The following DCDC1 variants were observed in gnomAD, a reference collection of about 807,000 sequenced individuals.
The protein encoded by DCDC1 is doublecortin domain containing 1, also known as doublecortin domain-containing protein 1.
Under a neutral mutation model 178.3 loss-of-function variants are expected in DCDC1, and 200 were observed. That is an observed-to-expected ratio of 1.12 (90% CI 1.00 to 1.26). The LOEUF (loss-of-function observed/expected upper bound fraction) is 1.26, where lower values mean the gene tolerates loss of function less well. Among genes scored for constraint, DCDC1 ranks in the 50% most tolerant of loss-of-function variants. DCDC1 has a pLI of 0.00. For synonymous variants in DCDC1, 690 were observed against 604.8 expected (o/e 1.14, Z -2.07); for missense variants, 1,983 against 1,749.2 (o/e 1.13, Z -2.38).
intron 8 of DCDC1, among the ~76,000 whole-genome samples, chr11:31,259,349 A>C (rs1944629784): frequency 6.6e-6 from 1 of 152,086 alleles, no homozygotes; most frequent in South Asian, 2.1e-4. Flanking sequence ...GCGAGACTCC[A>C]CCTCAAAAAA....
intron 7 of DCDC1, among the ~76,000 whole-genome samples, chr11:31,269,430 T>G (rs1308304894): frequency 6.6e-6 from 1 of 151,980 alleles, no homozygotes; most frequent in African/African-American, 2.4e-5. Context: ...TCACCCAGGC[T>G]GGAGTGCAGT....
intron 20 of DCDC1, among the ~76,000 whole-genome samples, chr11:31,017,668 C>T (rs1040246094): frequency 6.6e-6 from 1 of 151,970 alleles, no homozygotes; most frequent in Non-Finnish European, 1.5e-5. Flanking sequence ...CAGCCTTGGC[C>T]CCCTGGGCTC....
chr11:30,944,604 C>A (rs1354610428), intron 21 of DCDC1, among the ~76,000 whole-genome samples: 1 of 152,136 alleles, frequency 6.6e-6, no homozygotes, highest in Non-Finnish European at 1.5e-5. Context: ...ATGGTTCCTT[C>A]AAATAAGGTG....
At chr11:30,924,114 A>G (rs547046259) in intron 23 of DCDC1, among the ~76,000 whole-genome samples, 1 of 152,170 alleles carries the variant, frequency 6.6e-6, no homozygotes, top group South Asian at 2.1e-4. Context: ...GGCCTCATCT[A>G]TACTTACCAT....
At chr11:30,998,764 C>T (rs1400943093) in intron 20 of DCDC1, among the ~76,000 whole-genome samples, 1 of 152,000 alleles carries the variant, frequency 6.6e-6, no homozygotes, top group Non-Finnish European at 1.5e-5. Context: ...TTTAATGGTC[C>T]TCCCTCTAGG....
At chr11:31,159,795 C>A (rs1452457754) in intron 9 of DCDC1, among the ~76,000 whole-genome samples, 3 of 152,118 alleles carry the variant, frequency 2.0e-5, no homozygotes, top group Non-Finnish European at 4.4e-5. Context: ...GAAAAAAAAT[C>A]AATGGCTTAG....
At chr11:30,922,756 G>A (rs1355794127) in intron 23 of DCDC1, 118 bp from the exon 24 acceptor site, 6 of 1,015,400 alleles carry the variant, frequency 5.9e-6, no homozygotes, top group Non-Finnish European at 7.9e-6. Flanking sequence ...ATAGGTGAAT[G>A]ATTAAAGAAA....
chr11:31,226,375 A>C (rs1974952180), intron 9 of DCDC1, among the ~76,000 whole-genome samples: 1 of 152,074 alleles, frequency 6.6e-6, no homozygotes, highest in African/African-American at 2.4e-5. Flanking sequence ...AAAGTATTTT[A>C]AGACATAAAG....
chr11:31,153,088 T>C (rs149247051), intron 9 of DCDC1, among the ~76,000 whole-genome samples: 251 of 152,308 alleles, frequency 1.6e-3, no homozygotes, highest in African/African-American at 5.4e-3. Flanking sequence ...TACCTATGTT[T>C]TGGATTTAGC....
intron 10 of DCDC1, among the ~76,000 whole-genome samples, chr11:31,134,510 C>T (rs1962880257): frequency 6.6e-6 from 1 of 152,238 alleles, no homozygotes; most frequent in Non-Finnish European, 1.5e-5. Context: ...TTTCCTCCCT[C>T]ATTTGGGTCA....
rs557206461 is a variant in DCDC1, at chr11:30,970,259, G to C, written c.2592-17691C>G. Reference sequence around the variant, plus strand: ...CCACACAACAGCATTGCTTCAGAGAGAGAGAGCTCATGCTGGTTCCCCAAG... The same window carrying C: ...CCACACAACAGCATTGCTTCAGAGACAGAGAGCTCATGCTGGTTCCCCAAG... On this transcript the variant is annotated intron_variant, in intron 20 of 38. Coordinates refer to ENST00000684477, the MANE Select transcript of DCDC1 (RefSeq NM_001387274.1). Among the ~76,000 whole-genome samples, 7 of 152,290 alleles carry C rather than the reference G, an allele frequency of 4.6e-5. No homozygotes were observed. The South Asian group carries it at 6.2e-4, about 14-fold the overall frequency.
chr11:30,894,407 A>G (rs766664154), intron 34 of DCDC1, 23 bp from the exon 35 acceptor site: 3 of 1,603,676 alleles, frequency 1.9e-6, no homozygotes, highest in Non-Finnish European at 1.7e-6. Flanking sequence ...GTCTCTAGAA[A>G]TTTTGTTTCT....
chr11:31,184,199 A>G (rs890439481), intron 9 of DCDC1, among the ~76,000 whole-genome samples: 1 of 152,206 alleles, frequency 6.6e-6, no homozygotes, highest in Admixed American at 6.5e-5. Context: ...AGGATTCCCT[A>G]TTTAATAAAT....
At position 31,170,634 on chromosome 11, in the gene DCDC1, A is replaced by G. The variant is rs1967088762; in HGVS notation, c.1222-32850T>C. 2.6e-5 allele frequency among the ~76,000 whole-genome samples: 4 copies of G among 152,158 alleles called. No individual in the cohort carries two copies. The South Asian group carries it at 8.3e-4, about 32-fold the overall frequency. Reference sequence around the variant, plus strand: ...CAAAAACAGATTTACCTTTCACACTATGTAATCTGATGTTTCATCTAGCTA... The same window carrying G: ...CAAAAACAGATTTACCTTTCACACTGTGTAATCTGATGTTTCATCTAGCTA... On this transcript the variant is annotated intron_variant, in intron 9 of 38. Transcript: ENST00000684477.
At chr11:31,332,633 T>C (rs1182369998) in intron 2 of DCDC1, among the ~76,000 whole-genome samples, 1 of 152,234 alleles carries the variant, frequency 6.6e-6, no homozygotes, top group Admixed American at 6.5e-5. Flanking sequence ...CATTTCATTA[T>C]TTACCCAGTA....
intron 18 of DCDC1, among the ~76,000 whole-genome samples, chr11:31,068,440 A>G (rs956493008): frequency 6.6e-6 from 1 of 152,208 alleles, no homozygotes; most frequent in Non-Finnish European, 1.5e-5. Context: ...ATATTTGCCT[A>G]AATGTGCATC....
At chr11:30,914,929 T>C (rs1253196995) in intron 27 of DCDC1, among the ~76,000 whole-genome samples, 1 of 152,234 alleles carries the variant, frequency 6.6e-6, no homozygotes, top group East Asian at 1.9e-4. Context: ...AGCTGTTTTA[T>C]ATTTCTCCTG....
At chr11:31,290,461 A>G (rs1947142662) in intron 7 of DCDC1, among the ~76,000 whole-genome samples, 186 bp downstream of exon 7, 1 of 152,026 alleles carries the variant, frequency 6.6e-6, no homozygotes, top group African/African-American at 2.4e-5. Flanking sequence ...TTGCTAAGGT[A>G]ATTTATGGTA....
At chr11:31,078,251 T>A (rs902403963) in intron 17 of DCDC1, among the ~76,000 whole-genome samples, 4 of 151,902 alleles carry the variant, frequency 2.6e-5, no homozygotes, top group African/African-American at 9.7e-5. Flanking sequence ...AGATCCTCTA[T>A]GAGACAAAGA....
Sources: gnomAD v4.1 joint callset for allele counts (sites outside exome capture counted in the v4.1 genomes callset) on GRCh38, gnomAD v4.1.1 for gene constraint, MANE v1.5 for transcripts, NCBI Gene and HGNC (gene_info 2026-07-23, HGNC 2026-07-21) for gene names.